The following IQCH variants were observed in gnomAD, a reference collection of about 807,000 sequenced individuals.
IQCH encodes IQ domain-containing protein H.
A neutral mutation model predicts 117.0 loss-of-function variants in IQCH; 98 were observed. The ratio of observed to expected loss-of-function variants is 0.84; its 90% CI spans 0.71 to 0.99. The LOEUF (loss-of-function observed/expected upper bound fraction) is 0.99. IQCH is among the 50% of genes least tolerant of loss of function. The pLI is 0.00. For missense variants in IQCH, 1,102 were observed against 1,243.8 expected, an observed-to-expected ratio of 0.89 and a Z score of 1.72; for synonymous variants, 412 against 448.2, an observed-to-expected ratio of 0.92 and a Z score of 1.02.
At position 67,266,806 on chromosome 15, in the gene IQCH, GATC is replaced by G. The variant is rs375761651; in HGVS notation, c.269+3599_269+3601del. On this transcript the variant is annotated intron_variant, in intron 3 of 20. Coordinates refer to ENST00000335894, the MANE Select transcript of IQCH (RefSeq NM_001031715.3). ...GGCTGACTTTTCTTAAGTTGGATTG[GATC>G]ATCATCATTTTTACTTTCTAATATG... 1.1e-4 allele frequency among the ~76,000 whole-genome samples: 16 copies of G among 152,008 alleles called. No individual in the cohort carries two copies. In the East Asian group the frequency reaches 2.7e-3, roughly 26 times the overall value.
chr15:67,466,364 G>T lies in IQCH; in HGVS notation c.2676+1067G>T, dbSNP rs1332760109. On this transcript the variant is annotated intron_variant, in intron 17 of 20. Transcript: ENST00000335894. This position sits in a 1 kb window ranked among gnomAD's most constrained non-coding sequence, Gnocchi z 4.4. ...TCACAGCTGCCAGAGGGTTTCTTTG[G>T]CCTTTCCTTACAACAGTGGGCTTCA... The T allele has an allele frequency of 6.6e-6, 1 of 152,236 alleles. No homozygotes were observed. Among genetic ancestry groups the T allele is most frequent in the Non-Finnish European group, 1.5e-5 (1 of 68,060 alleles). 9.4% of individuals were successfully genotyped at this position (152,236 alleles called of 1,614,324 possible). A position where few individuals can be genotyped will look rare whatever the true frequency, so the allele number is the denominator to read the frequency against.
intron 20 of IQCH, among the ~76,000 whole-genome samples, chr15:67,497,540 T>C (rs12907281): frequency 0.86 from 130,825 of 152,086 alleles, 56,331 homozygotes; most frequent in Middle Eastern, 0.9. Context: ...GTCGCCCAGG[T>C]TGGAGTGCAT....
chr15:67,475,611 C>T lies in IQCH; in HGVS notation c.2677-85C>T, dbSNP rs958731192. ...ATATAGGAACTCTCAGAATTATCTT[C>T]GCAATTTTCCTGTTAATCTCAAGTA... On this transcript the variant is annotated intron_variant, in intron 17 of 20. Coordinates refer to ENST00000335894, the MANE Select transcript of IQCH (RefSeq NM_001031715.3). The surrounding 1 kb of genome is among the most constrained non-coding windows in gnomAD (Gnocchi z 5.7). The T allele has an allele frequency of 5.0e-5, 62 of 1,231,294 alleles. No homozygotes were observed. Among genetic ancestry groups the T allele is most frequent in the East Asian group, 2.5e-4 (10 of 40,078 alleles). 76.3% of individuals were successfully genotyped at this position (1,231,294 alleles called of 1,614,324 possible).
chr15:67,385,111 TA>T lies in IQCH; in HGVS notation c.1456+93del. 1.3e-6 allele frequency: 1 copy of T among 797,690 alleles called. No individual in the cohort carries two copies. The highest frequency in any genetic ancestry group is 1.7e-5 in the South Asian group (1 of 57,548). The allele number at this position is 797,690 out of a possible 1,614,324, so 49.4% of individuals were successfully genotyped here. ...TTGTTTTGTTTGTTTGTTTTTTGCT[TA>T]TTTTTTTCCTCTACAAGGAAAAAGC... is the stretch of plus-strand genomic sequence containing the variant. On this transcript the variant is annotated intron_variant, in intron 11 of 20. Transcript: ENST00000335894. This position sits in a 1 kb window ranked among gnomAD's most constrained non-coding sequence, Gnocchi z 4.6.
Position 67,411,391 on chromosome 15 carries a change from C to G in IQCH, c.2098-5540C>G, listed in dbSNP as rs1017011390. On this transcript the variant is annotated intron_variant, in intron 14 of 20. Coordinates refer to ENST00000335894, the MANE Select transcript of IQCH (RefSeq NM_001031715.3). This position sits in a 1 kb window ranked among gnomAD's most constrained non-coding sequence, Gnocchi z 4.4. ...TTTGTCCTAGATAGTCCACATGGCT[C>G]CTTTCAACACTGACAGTCTTGCTTA... 2.0e-5 allele frequency among the ~76,000 whole-genome samples: 3 copies of G among 152,164 alleles called. No homozygotes were observed. The highest frequency in any genetic ancestry group is 1.5e-5 in the Non-Finnish European group (1 of 68,018).
At chr15:67,451,206 C>T (rs1312154203) in intron 16 of IQCH, among the ~76,000 whole-genome samples, 2 of 151,904 alleles carry the variant, frequency 1.3e-5, no homozygotes, top group Non-Finnish European at 2.9e-5. Flanking sequence ...TGAAGGGTTT[C>T]TTGTGTCTCT....
Position 67,279,429 on chromosome 15 carries a change from A to T in IQCH, c.304A>T (p.Ile102Phe), listed in dbSNP as rs763141090. Residue 102 changes from isoleucine to phenylalanine, a missense_variant, in exon 4 of 21, where the codon ATT becomes TTT. Transcript: ENST00000335894. The stretch of plus-strand genomic sequence containing the variant: ...AACTGTAATTGATCAGAAATCATTT[A>T]TTTTCCCTCAGGAATCTGAGGGTAC... ...LPTVIDQKSF[I>F]FPQESEGTFW... is the part of the protein sequence containing the mutation. 2.5e-6 allele frequency: 4 copies of T among 1,606,446 alleles called. No homozygotes were observed. The highest frequency in any genetic ancestry group is 1.6e-4 in the Middle Eastern group (1 of 6,064).
chr15:67,453,733 C>A lies in IQCH; in HGVS notation c.2506-11394C>A, dbSNP rs929208454. Among the ~76,000 whole-genome samples the A allele has an allele frequency of 6.6e-6, 1 of 152,174 alleles. No individual in the cohort carries two copies. The highest frequency in any genetic ancestry group is 2.4e-5 in the African/African-American group (1 of 41,442). On this transcript the variant is annotated intron_variant, in intron 16 of 20. Transcript: ENST00000335894. The surrounding 1 kb of genome is among the most constrained non-coding windows in gnomAD (Gnocchi z 5.8). The stretch of plus-strand genomic sequence containing the variant: ...GATCTCAAGCTGCATGCTGGGAGAA[C>A]CACTACTCTTCAAAGCTGTCAGAGA...
At chr15:67,441,312 A>G (rs1423466385) in intron 16 of IQCH, among the ~76,000 whole-genome samples, 2 of 152,124 alleles carry the variant, frequency 1.3e-5, no homozygotes, top group East Asian at 3.8e-4. Context: ...CCATACTGCC[A>G]AAAGCAATCT....
chr15:67,303,793 G>C (rs1248304020), intron 4 of IQCH, among the ~76,000 whole-genome samples: 1 of 152,144 alleles, frequency 6.6e-6, no homozygotes, highest in Non-Finnish European at 1.5e-5. Flanking sequence ...GTTCAGACAA[G>C]AGGCTTTTAT....
rs201488323 is a variant in IQCH, at chr15:67,267,132, G to A, written c.269+3916G>A. Among the ~76,000 whole-genome samples, 41 of 152,274 alleles carry A rather than the reference G, an allele frequency of 2.7e-4. No individual in the cohort carries two copies. In the East Asian group the frequency reaches 7.7e-3, roughly 29 times the overall value. On this transcript the variant is annotated intron_variant, in intron 3 of 20. Coordinates refer to ENST00000335894, the MANE Select transcript of IQCH (RefSeq NM_001031715.3). ...AGCTGCAAGGGACGTTACCACATGA[G>A]GGATCGAGTGACAGGCTGAATATTG... is the stretch of plus-strand genomic sequence containing the variant.
intron 16 of IQCH, among the ~76,000 whole-genome samples, chr15:67,444,014 G>A (rs1001262744): frequency 1.3e-5 from 2 of 152,234 alleles, no homozygotes; most frequent in African/African-American, 4.8e-5. Context: ...TGCCAAGCCT[G>A]TGTTCTTTCT....
rs2083601786 is a variant in IQCH, at chr15:67,489,909, T to C, written c.2800-94T>C. Reference sequence around the variant, plus strand: ...AGGTAGCTCTAGATTTCAAATCAAATCAATCTTAGTAGTCTTTCTGTGCCA... The same window carrying C: ...AGGTAGCTCTAGATTTCAAATCAAACCAATCTTAGTAGTCTTTCTGTGCCA... On this transcript the variant is annotated intron_variant, in intron 18 of 20. Coordinates refer to ENST00000335894, the MANE Select transcript of IQCH (RefSeq NM_001031715.3). 5.6e-6 allele frequency: 5 copies of C among 892,192 alleles called. No homozygotes were observed. In the Admixed American group the frequency reaches 7.8e-5, roughly 14 times the overall value. The allele number at this position is 892,192 out of a possible 1,614,324, so 55.3% of individuals were successfully genotyped here.
intron 16 of IQCH, among the ~76,000 whole-genome samples, chr15:67,449,783 G>A (rs905010619): frequency 6.6e-6 from 1 of 152,150 alleles, no homozygotes; most frequent in Non-Finnish European, 1.5e-5. Context: ...TAGCTTGATG[G>A]GGATGGCATT....
intron 3 of IQCH, among the ~76,000 whole-genome samples, chr15:67,276,990 T>C (rs1481736155): frequency 6.6e-6 from 1 of 152,344 alleles, no homozygotes; most frequent in African/African-American, 2.4e-5. Context: ...CTGTACTGTT[T>C]TGTTCATTCT....
At chr15:67,421,661 A>T in intron 16 of IQCH, 84 bp downstream of exon 16, 1 of 1,362,744 alleles carries the variant, frequency 7.3e-7, no homozygotes, top group Non-Finnish European at 1.0e-6. Flanking sequence ...AGGGCATATG[A>T]GGGCTCTTCT....
chr15:67,270,810 G>C (rs1359560879), intron 3 of IQCH, among the ~76,000 whole-genome samples: 1 of 152,044 alleles, frequency 6.6e-6, no homozygotes, highest in East Asian at 1.9e-4. Flanking sequence ...CCAGCTTCAG[G>C]CATTCCTTTA....
chr15:67,295,579 G>A (rs148947472), intron 4 of IQCH, among the ~76,000 whole-genome samples: 232 of 152,238 alleles, frequency 1.5e-3, no homozygotes, highest in African/African-American at 5.4e-3. Flanking sequence ...GCTAGGAGGC[G>A]TCTGCTCCTT....
At chr15:67,273,735 G>A (rs1274215506) in intron 3 of IQCH, among the ~76,000 whole-genome samples, 2 of 152,158 alleles carry the variant, frequency 1.3e-5, no homozygotes, top group Non-Finnish European at 2.9e-5. Flanking sequence ...TTCTGAGGTT[G>A]TTTATGTACT....
Sources: gnomAD v4.1 joint callset for allele counts (sites outside exome capture counted in the v4.1 genomes callset) on GRCh38, gnomAD v4.1.1 for gene constraint, Gnocchi (gnomAD v3.1) non-coding constraint, MANE v1.5 for transcripts, NCBI Gene and HGNC (gene_info 2026-07-23, HGNC 2026-07-21) for gene names.